Variants in PTPRG observed in about 807,000 individuals in gnomAD.
PTPRG encodes protein tyrosine phosphatase receptor type G.
PTPRG carries 102 observed loss-of-function variants against 165.3 expected under a neutral mutation model. That is an observed-to-expected ratio of 0.62 (90% CI 0.53 to 0.73). PTPRG has a LOEUF of 0.73. PTPRG is among the 30% of genes least tolerant of loss of function. The pLI is 0.00. For missense variants in PTPRG, 1,866 were observed against 1,861.4 expected, an observed-to-expected ratio of 1.00 and a Z score of -0.05; for synonymous variants, 675 against 669.5, an observed-to-expected ratio of 1.01 and a Z score of -0.13.
At chr3:61,793,172 C>A (rs1228544346) in intron 2 of PTPRG, among the ~76,000 whole-genome samples, 1 of 152,134 alleles carries the variant, frequency 6.6e-6, no homozygotes, top group African/African-American at 2.4e-5. Context: ...CCTGTCTGTC[C>A]CTGCTTCTCA....
At chr3:61,674,126 C>A (rs1261305988) in intron 1 of PTPRG, among the ~76,000 whole-genome samples, 1 of 151,308 alleles carries the variant, frequency 6.6e-6, no homozygotes, top group African/African-American at 2.4e-5. Context: ...CACGTGTATA[C>A]CTATGTAACA....
chr3:62,236,126 T>C (rs1376548090), intron 14 of PTPRG, among the ~76,000 whole-genome samples: 2 of 152,222 alleles, frequency 1.3e-5, no homozygotes, highest in Non-Finnish European at 2.9e-5. Context: ...TAACATGCCA[T>C]AAAAGAAACT....
intron 2 of PTPRG, among the ~76,000 whole-genome samples, chr3:61,965,313 C>A (rs2040245572): frequency 1.3e-5 from 2 of 150,558 alleles, no homozygotes; most frequent in African/African-American, 4.9e-5. Flanking sequence ...CATGGTGAAA[C>A]CCCGTCTCTA....
intron 1 of PTPRG, among the ~76,000 whole-genome samples, chr3:61,661,320 CT>C (rs61114806): frequency 0.98 from 146,568 of 149,762 alleles, 71,752 homozygotes; most frequent in Non-Finnish European, 1. Flanking sequence ...TAAAAGTTTC[CT>C]TTTTTTTTTT....
At chr3:62,076,031 G>A (rs962275577) in intron 4 of PTPRG, among the ~76,000 whole-genome samples, 3 of 152,124 alleles carry the variant, frequency 2.0e-5, no homozygotes, top group Non-Finnish European at 4.4e-5. Flanking sequence ...ATCTCAACAC[G>A]TTGGGAGGCC....
intron 4 of PTPRG, among the ~76,000 whole-genome samples, chr3:62,036,763 A>G (rs1438923980): frequency 6.6e-6 from 1 of 152,222 alleles, no homozygotes; most frequent in Admixed American, 6.5e-5. Flanking sequence ...AGCTAAGGTA[A>G]TGTGCTTCAA....
At chr3:62,275,436 C>T (rs1233955874) in intron 23 of PTPRG, among the ~76,000 whole-genome samples, 2 of 152,114 alleles carry the variant, frequency 1.3e-5, no homozygotes, top group Middle Eastern at 3.2e-3. Flanking sequence ...CTATTGCACA[C>T]AGTACCTATT....
chr3:61,598,640 C>T lies in PTPRG; in HGVS notation c.85+36268C>T, dbSNP rs559943077. Among the ~76,000 whole-genome samples, 72 of 152,202 alleles carry T rather than the reference C, an allele frequency of 4.7e-4. 5 individuals carry two copies. In the South Asian group the frequency reaches 0.015, roughly 31 times the overall value. Reference sequence around the variant, plus strand: ...AAGATGTGAGCTTGGATGGTATATTCGTTTGCTAGGGCCCCTGTAACAAAG... The same window carrying T: ...AAGATGTGAGCTTGGATGGTATATTTGTTTGCTAGGGCCCCTGTAACAAAG... On this transcript the variant is annotated intron_variant, in intron 1 of 29. Coordinates refer to ENST00000474889, the MANE Select transcript of PTPRG (RefSeq NM_002841.4).
intron 5 of PTPRG, among the ~76,000 whole-genome samples, chr3:62,096,399 C>T (rs1702109255): frequency 6.6e-6 from 1 of 152,032 alleles, no homozygotes; most frequent in Admixed American, 6.5e-5. Context: ...CTTTTTGCTG[C>T]TTTTCTCATT....
intron 13 of PTPRG, among the ~76,000 whole-genome samples, chr3:62,226,853 C>T (rs1181106857): frequency 6.6e-6 from 1 of 152,182 alleles, no homozygotes; most frequent in East Asian, 1.9e-4. Flanking sequence ...GAAAAGGTCT[C>T]TCTTTTACTC....
rs899079248 is a variant in PTPRG at position 62,229,672 on chromosome 3, G to A, written c.2289-1553G>A. Among the ~76,000 whole-genome samples, 1 of 152,224 alleles carries A rather than the reference G, an allele frequency of 6.6e-6. No individual in the cohort carries two copies. The highest frequency in any genetic ancestry group is 6.5e-5 in the Admixed American group (1 of 15,280). On this transcript the variant is annotated intron_variant, in intron 13 of 29. Coordinates refer to ENST00000474889, the MANE Select transcript of PTPRG (RefSeq NM_002841.4). The surrounding 1 kb of genome is among the most constrained non-coding windows in gnomAD (Gnocchi z 4.6). Reference sequence around the variant, plus strand: ...TTCTTTGGATTTCTCAGAATTAACTGTCTTCTCCCCCCGGGGTTAATTATG... The same window carrying A: ...TTCTTTGGATTTCTCAGAATTAACTATCTTCTCCCCCCGGGGTTAATTATG...
At chr3:61,593,720 AAAAGAAG>A (rs1314120030) in intron 1 of PTPRG, among the ~76,000 whole-genome samples, 1 of 144,514 alleles carries the variant, frequency 6.9e-6, no homozygotes, top group South Asian at 2.1e-4. Flanking sequence ...AAAAAAAAAA[AAAAGAAG>A]AAAAAGCCAG....
Position 62,292,526 on chromosome 3 carries a change from T to A in PTPRG, c.4161T>A (p.Asn1387Lys), listed in dbSNP as rs1702934529. ...TTTTCCAGGTTGCAAAAATGATCAATCTTATGAGGCCTGGAGTATTCACAG... is the reference window on the plus strand; with the variant it reads ...TTTTCCAGGTTGCAAAAATGATCAAACTTATGAGGCCTGGAGTATTCACAG... ...VDVFQVAKMI[N>K]LMRPGVFTDI... The change falls in exon 29 of 30, where the codon AAT (asparagine) becomes AAA (lysine). Residue 1387 changes from asparagine to lysine, a missense_variant. Asn to Lys is a moderately conservative substitution (Grantham distance 94). Transcript: ENST00000474889. 1 of 1,613,476 alleles carries A rather than the reference T, an allele frequency of 6.2e-7. No homozygotes were observed. Among genetic ancestry groups the A allele is most frequent in the Admixed American group, 1.7e-5 (1 of 59,974 alleles).
At chr3:61,878,825 A>G (rs2037811794) in intron 2 of PTPRG, among the ~76,000 whole-genome samples, 1 of 152,196 alleles carries the variant, frequency 6.6e-6, no homozygotes, top group Non-Finnish European at 1.5e-5. Flanking sequence ...AAAACACAAT[A>G]GAACCGTCCT....
chr3:61,835,774 C>A (rs1324983852), intron 2 of PTPRG, among the ~76,000 whole-genome samples: 4 of 151,848 alleles, frequency 2.6e-5, no homozygotes, highest in Non-Finnish European at 5.9e-5. Context: ...CACAGTGGCT[C>A]ACACCTGTAA....
In PTPRG at chr3:62,167,321, C is replaced by G. The variant is rs577577283; in HGVS notation, c.841-650C>G. Among the ~76,000 whole-genome samples, 179 of 152,112 alleles carry G rather than the reference C, an allele frequency of 1.2e-3. 3 individuals are homozygous for G. Among genetic ancestry groups the G allele is most frequent in the African/African-American group, 4.0e-3 (168 of 41,488 alleles). On this transcript the variant is annotated intron_variant, in intron 7 of 29. Coordinates refer to ENST00000474889, the MANE Select transcript of PTPRG (RefSeq NM_002841.4). ...GCAAGTCACACATTTAGTGACTTGG[C>G]GACTTTGCCAAACTTGATCACTAGT... is the stretch of plus-strand genomic sequence containing the variant.
intron 1 of PTPRG, among the ~76,000 whole-genome samples, chr3:61,603,764 C>T (rs927928410): frequency 6.6e-6 from 1 of 152,154 alleles, no homozygotes; most frequent in African/African-American, 2.4e-5. Context: ...CATTCCTTGC[C>T]TTGCAGATGT....
intron 2 of PTPRG, among the ~76,000 whole-genome samples, chr3:61,752,655 G>A (rs1340390070): frequency 2.0e-5 from 3 of 151,306 alleles, no homozygotes; most frequent in Non-Finnish European, 2.9e-5. Flanking sequence ...GTGTGGTGGC[G>A]GGCACCTATA....
intron 7 of PTPRG, among the ~76,000 whole-genome samples, chr3:62,164,818 G>T (rs775441322): frequency 1.3e-5 from 2 of 152,148 alleles, no homozygotes; most frequent in Non-Finnish European, 2.9e-5. Context: ...TTTAATGCTG[G>T]CTCTGAAAGA....
Sources: allele counts gnomAD v4.1 joint callset (sites outside exome capture counted in the v4.1 genomes callset), GRCh38; gene constraint gnomAD v4.1.1; non-coding constraint Gnocchi (gnomAD v3.1); transcripts MANE v1.5; gene names NCBI Gene and HGNC (gene_info 2026-07-23, HGNC 2026-07-21).